CWF19L2: variants seen among roughly 807,000 people sequenced by gnomAD.
CWF19L2 encodes the protein CWF19 like cell cycle control factor 2, also known as CWF19-like protein 2.
In CWF19L2, 98 loss-of-function variants were observed where a neutral mutation model predicts 111.7. The observed-to-expected ratio is 0.88, with a 90% confidence interval of 0.75 to 1.04. The LOEUF (loss-of-function observed/expected upper bound fraction) is 1.04. Ranked by LOEUF, CWF19L2 falls within the 50% of genes least tolerant of loss-of-function variation. The probability of loss-of-function intolerance (pLI) is 0.00; values close to 1 mark genes in which losing one functional copy is unlikely to be tolerated. For synonymous variants in CWF19L2, 351 were observed against 342.9 expected (o/e 1.02, Z -0.26); for missense variants, 1,101 against 1,051.4 (o/e 1.05, Z -0.65).
chr11:107,429,183 T>G lies in CWF19L2; in HGVS notation c.1049A>C (p.Glu350Ala), dbSNP rs752573584. Residue 350 changes from glutamate to alanine, a missense_variant, in exon 8 of 18, where the codon GAA becomes GCA. Coordinates refer to ENST00000282251, the MANE Select transcript of CWF19L2 (RefSeq NM_152434.3). ...CTCTTGATTTTGCCTTGGGTTAGAT[T>G]CTCTTCTACACGTTTCTAAAGACCC... The part of the protein sequence containing the change: ...RPGSLETCRR[E>A]SNPRQNQEFS... 6.2e-7 allele frequency: 1 copy of G among 1,613,870 alleles called. No homozygotes were observed. Among genetic ancestry groups the G allele is most frequent in the Admixed American group, 1.7e-5 (1 of 60,000 alleles).
chr11:107,394,009 A>G (rs1435145199), intron 10 of CWF19L2, among the ~76,000 whole-genome samples: 1 of 152,336 alleles, frequency 6.6e-6, no homozygotes, highest in South Asian at 2.1e-4. Context: ...CTGCATATGC[A>G]ACCCCTGAAT....
chr11:107,345,045 G>A (rs1354429528), intron 14 of CWF19L2, among the ~76,000 whole-genome samples: 2 of 152,040 alleles, frequency 1.3e-5, no homozygotes, highest in Non-Finnish European at 2.9e-5. Context: ...CATGGCTCGT[G>A]CCTCCTCCCC....
intron 14 of CWF19L2, among the ~76,000 whole-genome samples, chr11:107,341,181 A>C (rs1860000074): frequency 6.6e-6 from 1 of 152,180 alleles, no homozygotes. Context: ...CTCTGTTCAA[A>C]CTGGACCCTA....
chr11:107,392,963 C>CA (rs1240036711), intron 10 of CWF19L2, 68 bp from the exon 11 acceptor site: 6 of 990,888 alleles, frequency 6.1e-6, no homozygotes, highest in African/African-American at 1.7e-5. Flanking sequence ...TATTTAATAA[C>CA]AAAAAAAGCA....
At chr11:107,380,046 C>CAAAAAAAAAAAAAAAAAAA (rs66699460) in intron 12 of CWF19L2, among the ~76,000 whole-genome samples, 1 of 34,490 alleles carries the variant, frequency 2.9e-5, no homozygotes. Context: ...GACACCGTCT[C>CAAAAAAAAAAAAAAAAAAA]AAAAAAAAAA....
intron 8 of CWF19L2, among the ~76,000 whole-genome samples, chr11:107,427,198 T>G (rs139493657): frequency 3.5e-4 from 52 of 149,542 alleles, no homozygotes; most frequent in African/African-American, 1.3e-3. Context: ...GTCTCCTACT[T>G]TACAACCACT....
chr11:107,427,085 A>T (rs1028401962), intron 8 of CWF19L2, among the ~76,000 whole-genome samples: 4 of 152,118 alleles, frequency 2.6e-5, no homozygotes, highest in African/African-American at 9.7e-5. Context: ...CAATACATAC[A>T]AAGAAGTAAA....
intron 13 of CWF19L2, among the ~76,000 whole-genome samples, chr11:107,352,256 C>T (rs1860166059): frequency 7.3e-6 from 1 of 137,692 alleles, no homozygotes; most frequent in Non-Finnish European, 1.6e-5. Context: ...CCACGGTAAC[C>T]TAAATATTCC....
intron 4 of CWF19L2, among the ~76,000 whole-genome samples, chr11:107,442,364 A>C (rs1179473466): frequency 6.6e-6 from 1 of 152,120 alleles, no homozygotes; most frequent in Non-Finnish European, 1.5e-5. Context: ...ATTTATTCTC[A>C]AAAGTTGATA....
At chr11:107,407,333 G>T (rs1297710516) in intron 10 of CWF19L2, among the ~76,000 whole-genome samples, 1 of 150,876 alleles carries the variant, frequency 6.6e-6, no homozygotes, top group African/African-American at 2.4e-5. Context: ...CACTTAAAAT[G>T]TTTTCCCTTT....
intron 10 of CWF19L2, among the ~76,000 whole-genome samples, chr11:107,399,315 A>G (rs548174293): frequency 3.2e-4 from 49 of 152,288 alleles, no homozygotes; most frequent in African/African-American, 1.1e-3. Context: ...ACTATGTGCC[A>G]CCTTCAGGAA....
intron 8 of CWF19L2, among the ~76,000 whole-genome samples, chr11:107,420,226 G>A (rs1161284039): frequency 6.6e-6 from 1 of 151,950 alleles, no homozygotes; most frequent in Admixed American, 6.6e-5. Flanking sequence ...AAATTAAAAG[G>A]CAGAAATTAT....
intron 7 of CWF19L2, among the ~76,000 whole-genome samples, chr11:107,430,210 GA>G (rs200097533): frequency 0.01 from 1,371 of 136,830 alleles, 18 homozygotes; most frequent in African/African-American, 0.034. Context: ...AAAACTCAAG[GA>G]AAAAAAAAAA....
At chr11:107,456,013 A>C (rs1861849559) in intron 1 of CWF19L2, among the ~76,000 whole-genome samples, 1 of 152,228 alleles carries the variant, frequency 6.6e-6, no homozygotes, top group Non-Finnish European at 1.5e-5. Context: ...TTGAGTTACC[A>C]ATCAGAGAGA....
In CWF19L2 at chr11:107,371,516, G is replaced by C. The variant is rs1591168500; in HGVS notation, c.1873-17780C>G. ...TGAATTACAGACTGATTTTTTAAAG[G>C]TGCTATTAAAACATTGCTAGTTTTA... On this transcript the variant is annotated intron_variant, in intron 12 of 17. Coordinates refer to ENST00000282251, the MANE Select transcript of CWF19L2 (RefSeq NM_152434.3). Among the ~76,000 whole-genome samples, 3 of 137,504 alleles carry C rather than the reference G, an allele frequency of 2.2e-5. 1 individual carries two copies. In the East Asian group the frequency reaches 6.3e-4, roughly 29 times the overall value. 90.2% of individuals were successfully genotyped at this position (137,504 alleles called of 152,430 possible). A position where few individuals can be genotyped will look rare whatever the true frequency, so the allele number is the denominator to read the frequency against.
chr11:107,354,774 C>T lies in CWF19L2; in HGVS notation c.1873-1038G>A, dbSNP rs139777998. ...CTTATTTATACCTGCTGCATTGGCA[C>T]ATGACTGCAGTTATTCTGTCCTTGG... is the stretch of plus-strand genomic sequence containing the variant. On this transcript the variant is annotated intron_variant, in intron 12 of 17. Coordinates refer to ENST00000282251, the MANE Select transcript of CWF19L2 (RefSeq NM_152434.3). Among the ~76,000 whole-genome samples the T allele has an allele frequency of 4.5e-4, 68 of 152,346 alleles. 1 individual carries two copies. The East Asian group carries it at 0.013, about 28-fold the overall frequency.
At chr11:107,420,188 A>G (rs1488896494) in intron 8 of CWF19L2, among the ~76,000 whole-genome samples, 1 of 152,098 alleles carries the variant, frequency 6.6e-6, no homozygotes, top group Non-Finnish European at 1.5e-5. Context: ...TATATCAACA[A>G]CATTATATAT....
rs1034782513 is a variant in CWF19L2, at chr11:107,375,531, T to G, written c.1872+14543A>C. Among the ~76,000 whole-genome samples the G allele has an allele frequency of 1.7e-4, 24 of 137,274 alleles. 6 individuals carry two copies. The highest frequency in any genetic ancestry group is 1.7e-4 in the Non-Finnish European group (11 of 63,476). 90.1% of individuals were successfully genotyped at this position (137,274 alleles called of 152,430 possible). A position where few individuals can be genotyped will look rare whatever the true frequency, so the allele number is the denominator to read the frequency against. On this transcript the variant is annotated intron_variant, in intron 12 of 17. Transcript: ENST00000282251. ...TGCTCCTGAATGACTACTGGGTACA[T>G]AACGAAATGAAGGCAGAAATAAAGA...
chr11:107,368,734 A>G (rs1173713525), intron 12 of CWF19L2, among the ~76,000 whole-genome samples: 1 of 138,448 alleles, frequency 7.2e-6, no homozygotes, highest in East Asian at 2.1e-4. Flanking sequence ...CATTTCTTTT[A>G]TAGTCATTTT....
Sources: gnomAD v4.1 joint callset for allele counts (sites outside exome capture counted in the v4.1 genomes callset) on GRCh38, gnomAD v4.1.1 for gene constraint, MANE v1.5 for transcripts, NCBI Gene and HGNC (gene_info 2026-07-23, HGNC 2026-07-21) for gene names.